The following PCNX1 variants were observed in gnomAD, a reference collection of about 807,000 sequenced individuals.
The protein encoded by PCNX1 is pecanex 1.
PCNX1 carries 78 observed loss-of-function variants against 242.2 expected under a neutral mutation model. The observed-to-expected ratio is 0.32, with a 90% CI of 0.27 to 0.39. The LOEUF (loss-of-function observed/expected upper bound fraction) is 0.39, where lower values mean the gene tolerates loss of function less well. Among genes scored for constraint, PCNX1 ranks in the 10% least tolerant of loss-of-function variants. PCNX1 has a pLI of 1.00. For missense variants in PCNX1, 2,581 were observed against 2,856.5 expected (o/e 0.90, Z 2.20); for synonymous variants, 1,024 against 1,032.9 (o/e 0.99, Z 0.17).
At chr14:71,036,640 C>T (rs1227253749) in intron 19 of PCNX1, among the ~76,000 whole-genome samples, 4 of 152,206 alleles carry the variant, frequency 2.6e-5, no homozygotes, top group African/African-American at 4.8e-5. Flanking sequence ...TGTAAGTACA[C>T]TGTGATGTTT....
intron 20 of PCNX1, 28 bp downstream of exon 20, chr14:71,045,311 T>C (rs767955753): frequency 6.6e-7 from 1 of 1,511,656 alleles, no homozygotes; most frequent in South Asian, 1.2e-5. Flanking sequence ...ACTTTTTCTT[T>C]TTAATACTAT....
chr14:70,984,738 C>T (rs2058948772), intron 6 of PCNX1, among the ~76,000 whole-genome samples: 1 of 152,084 alleles, frequency 6.6e-6, no homozygotes, highest in Non-Finnish European at 1.5e-5. Context: ...CTCACAGCTT[C>T]CAATTTTTGA....
intron 1 of PCNX1, among the ~76,000 whole-genome samples, chr14:70,937,471 C>T (rs1300962222): frequency 6.6e-6 from 1 of 152,130 alleles, no homozygotes; most frequent in African/African-American, 2.4e-5. Context: ...TCTGAGGGCT[C>T]TGTTCTGTTC....
chr14:70,962,142 A>G, intron 2 of PCNX1, 84 bp from the exon 3 acceptor site: 2 of 859,804 alleles, frequency 2.3e-6, no homozygotes, highest in Non-Finnish European at 3.9e-6. Flanking sequence ...TGTGGAAAAA[A>G]GTATAACTTA....
intron 1 of PCNX1, among the ~76,000 whole-genome samples, chr14:70,941,171 C>T (rs760379932): frequency 3.9e-5 from 6 of 152,176 alleles, no homozygotes; most frequent in Non-Finnish European, 5.9e-5. Context: ...CCATTGCTGG[C>T]GAGGAGCTGC....
intron 6 of PCNX1, among the ~76,000 whole-genome samples, chr14:70,979,821 A>G (rs2058785509): frequency 6.6e-6 from 1 of 152,158 alleles, no homozygotes; most frequent in African/African-American, 2.4e-5. Context: ...GGGAACGTAA[A>G]GAAATTTTCT....
intron 2 of PCNX1, among the ~76,000 whole-genome samples, chr14:70,960,640 A>G (rs1360074951): frequency 3.3e-5 from 5 of 152,046 alleles, no homozygotes; most frequent in Non-Finnish European, 1.5e-5. Flanking sequence ...CTCCTATTCA[A>G]CATAGTGTTG....
At chr14:70,972,793 C>T (rs1040755857) in intron 5 of PCNX1, among the ~76,000 whole-genome samples, 6 of 152,162 alleles carry the variant, frequency 3.9e-5, no homozygotes, top group African/African-American at 7.2e-5. Flanking sequence ...CCCTACCTCT[C>T]GCTCATACCT....
intron 1 of PCNX1, among the ~76,000 whole-genome samples, chr14:70,930,354 C>T (rs1033538864): frequency 2.6e-5 from 4 of 152,166 alleles, no homozygotes; most frequent in Non-Finnish European, 5.9e-5. Flanking sequence ...GGCTTAGTGA[C>T]TTCTGCCCTG....
intron 6 of PCNX1, among the ~76,000 whole-genome samples, chr14:70,982,192 G>T (rs1020608683): frequency 1.3e-5 from 2 of 152,152 alleles, no homozygotes; most frequent in African/African-American, 4.8e-5. Flanking sequence ...CCAGTAAACA[G>T]ACAATAAAAT....
intron 6 of PCNX1, among the ~76,000 whole-genome samples, chr14:70,987,297 C>T (rs148156725): frequency 3.3e-5 from 5 of 152,336 alleles, no homozygotes; most frequent in African/African-American, 1.2e-4. Flanking sequence ...ATGGTAACCA[C>T]TAGCTACATG....
chr14:71,076,398 C>T lies in PCNX1; in HGVS notation c.5316C>T (p.Tyr1772=), dbSNP rs777408732. 3.1e-6 allele frequency: 5 copies of T among 1,604,196 alleles called. No homozygotes were observed. In the Admixed American group the frequency reaches 5.0e-5, roughly 16 times the overall value. ...FCVIYLNWIE[Y]CSSRRAKPVD... ...TGATTTACCTCAACTGGATAGAGTA[C>T]TGCTCTTCCCGAAGAGCAAAGGTAG... The change falls in exon 28 of 36, where the codon TAC becomes TAT. Residue 1772 remains tyrosine, a synonymous_variant. Coordinates refer to ENST00000304743, the MANE Select transcript of PCNX1 (RefSeq NM_014982.3).
At chr14:71,039,457 A>G (rs371876590) in intron 19 of PCNX1, among the ~76,000 whole-genome samples, 27 of 152,282 alleles carry the variant, frequency 1.8e-4, no homozygotes, top group African/African-American at 6.5e-4. Flanking sequence ...TACTCACAAA[A>G]TGGCAGCTGG....
At chr14:70,991,200 T>C (rs1481198162) in intron 7 of PCNX1, among the ~76,000 whole-genome samples, 1 of 139,208 alleles carries the variant, frequency 7.2e-6, no homozygotes, top group Non-Finnish European at 1.5e-5. Context: ...TGTTGTGTAC[T>C]ACCTTTTTTT....
intron 2 of PCNX1, among the ~76,000 whole-genome samples, chr14:70,947,824 G>A (rs973996219): frequency 5.3e-5 from 8 of 152,300 alleles, no homozygotes; most frequent in Admixed American, 5.2e-4. Context: ...TCTTGCAAAA[G>A]CAAATAAAAG....
chr14:70,937,487 G>A lies in PCNX1; in HGVS notation c.154-9428G>A, dbSNP rs143597730. Among the ~76,000 whole-genome samples the A allele has an allele frequency of 9.0e-3, 1,371 of 152,128 alleles. 9 individuals carry two copies. The highest frequency in any genetic ancestry group is 0.012 in the Non-Finnish European group (843 of 68,010). On this transcript the variant is annotated intron_variant, in intron 1 of 35. Coordinates refer to ENST00000304743, the MANE Select transcript of PCNX1 (RefSeq NM_014982.3). ...CTGAGGGCTCTGTTCTGTTCCATCG[G>A]TCTATATCTCTGTTTTGGTACCAGG...
intron 3 of PCNX1, among the ~76,000 whole-genome samples, chr14:70,966,156 A>G (rs1393493694): frequency 6.6e-6 from 1 of 152,210 alleles, no homozygotes; most frequent in Non-Finnish European, 1.5e-5. Flanking sequence ...TTCACTTGTA[A>G]ATAGTCATGA....
At chr14:71,058,421 A>C (rs2061239671) in intron 26 of PCNX1, among the ~76,000 whole-genome samples, 1 of 152,214 alleles carries the variant, frequency 6.6e-6, no homozygotes, top group Non-Finnish European at 1.5e-5. Flanking sequence ...ATTCCTGTAA[A>C]ACTGAATAAC....
intron 2 of PCNX1, among the ~76,000 whole-genome samples, chr14:70,949,255 A>ACACACGTGTATG (rs1844995634): frequency 1.3e-4 from 2 of 15,830 alleles, no homozygotes; most frequent in Non-Finnish European, 3.3e-4. Flanking sequence ...ACGTGTATAC[A>ACACACGTGTATG]CACACACGTG....
Sources: allele counts gnomAD v4.1 joint callset (sites outside exome capture counted in the v4.1 genomes callset), GRCh38; gene constraint gnomAD v4.1.1; transcripts MANE v1.5; gene names NCBI Gene and HGNC (gene_info 2026-07-23, HGNC 2026-07-21).